Variants in LRRC4C observed in about 807,000 individuals in gnomAD.
The protein encoded by LRRC4C is leucine-rich repeat-containing protein 4C.
In LRRC4C, 5 loss-of-function variants were observed where a neutral mutation model predicts 33.6. That is an observed-to-expected ratio of 0.15 (90% CI 0.08 to 0.31). The LOEUF (loss-of-function observed/expected upper bound fraction) is 0.31. Ranked by LOEUF, LRRC4C falls within the 10% of genes least tolerant of loss-of-function variation. LRRC4C has a pLI of 1.00. For synonymous variants in LRRC4C, 329 were observed against 302.0 expected (o/e 1.09, Z -0.93); for missense variants, 560 against 796.7 (o/e 0.70, Z 3.58).
intron 4 of LRRC4C, among the ~76,000 whole-genome samples, chr11:40,260,331 A>G (rs958453500): frequency 6.8e-6 from 1 of 146,022 alleles, no homozygotes; most frequent in Non-Finnish European, 1.5e-5. Flanking sequence ...ACATATTCTC[A>G]CTCATAGGTG....
intron 3 of LRRC4C, among the ~76,000 whole-genome samples, chr11:40,521,914 G>A (rs1463915296): frequency 6.6e-6 from 1 of 151,932 alleles, no homozygotes. Flanking sequence ...AATAAAATAA[G>A]TAAACACTGA....
At chr11:41,042,656 G>C (rs910022359) in intron 1 of LRRC4C, among the ~76,000 whole-genome samples, 1 of 152,146 alleles carries the variant, frequency 6.6e-6, no homozygotes, top group Non-Finnish European at 1.5e-5. Flanking sequence ...TCAAGGGGCT[G>C]TGCTGCTAAT....
At chr11:40,271,887 G>T (rs556590618) in intron 4 of LRRC4C, among the ~76,000 whole-genome samples, 1 of 152,084 alleles carries the variant, frequency 6.6e-6, no homozygotes, top group Non-Finnish European at 1.5e-5. Context: ...TTGAACCAGA[G>T]TGAGCAGGCC....
At chr11:41,266,337 C>T (rs75753607) in intron 1 of LRRC4C, among the ~76,000 whole-genome samples, 12 of 152,070 alleles carry the variant, frequency 7.9e-5, no homozygotes, top group Admixed American at 2.0e-4. Flanking sequence ...TCAAAACCTG[C>T]GAAATTTGAG....
chr11:41,000,910 T>C (rs1246116277), intron 1 of LRRC4C, among the ~76,000 whole-genome samples: 1 of 152,150 alleles, frequency 6.6e-6, no homozygotes, highest in African/African-American at 2.4e-5. Flanking sequence ...AAAAATAGTA[T>C]ATTGGAGAAA....
At chr11:40,387,098 T>C (rs895046898) in intron 3 of LRRC4C, among the ~76,000 whole-genome samples, 11 of 152,196 alleles carry the variant, frequency 7.2e-5, no homozygotes, top group Non-Finnish European at 1.6e-4. Flanking sequence ...GATTGTAGGA[T>C]GGAATTGAGA....
At chr11:40,977,297 T>C (rs1852156354) in intron 1 of LRRC4C, among the ~76,000 whole-genome samples, 1 of 152,174 alleles carries the variant, frequency 6.6e-6, no homozygotes, top group Admixed American at 6.5e-5. Context: ...GAGTATCTGA[T>C]AACCAGGGTG....
intron 2 of LRRC4C, among the ~76,000 whole-genome samples, chr11:40,685,673 G>A (rs1201290720): frequency 1.3e-5 from 2 of 151,758 alleles, no homozygotes; most frequent in Admixed American, 6.6e-5. Flanking sequence ...TAAGAATGAG[G>A]ATATAGGCTG....
At chr11:41,018,727 A>C (rs1855756207) in intron 1 of LRRC4C, among the ~76,000 whole-genome samples, 1 of 152,138 alleles carries the variant, frequency 6.6e-6, no homozygotes, top group Admixed American at 6.5e-5. Context: ...AAACTGCCAC[A>C]GTGGGAATGA....
At chr11:40,811,507 CT>C (rs1351590491) in intron 2 of LRRC4C, among the ~76,000 whole-genome samples, 3 of 151,898 alleles carry the variant, frequency 2.0e-5, no homozygotes, top group Admixed American at 6.6e-5. Flanking sequence ...GGCATCTACT[CT>C]TTTTTTTGAG....
intron 1 of LRRC4C, among the ~76,000 whole-genome samples, chr11:41,399,648 G>A (rs764432207): frequency 4.0e-5 from 6 of 151,876 alleles, no homozygotes; most frequent in Non-Finnish European, 2.9e-5. Flanking sequence ...TGTTTATTGG[G>A]CCACAAGAAG....
intron 3 of LRRC4C, among the ~76,000 whole-genome samples, chr11:40,321,771 G>C (rs1945860327): frequency 6.6e-6 from 1 of 152,144 alleles, no homozygotes; most frequent in African/African-American, 2.4e-5. Context: ...TGAATGCCTT[G>C]TCTAATTTCT....
chr11:40,308,202 C>T (rs558260229), intron 4 of LRRC4C, among the ~76,000 whole-genome samples: 1 of 152,256 alleles, frequency 6.6e-6, no homozygotes, highest in African/African-American at 2.4e-5. Flanking sequence ...TTCTCCCCCA[C>T]CACACATACA....
At chr11:40,890,653 T>G (rs1955659757) in intron 2 of LRRC4C, among the ~76,000 whole-genome samples, 1 of 151,954 alleles carries the variant, frequency 6.6e-6, no homozygotes, top group African/African-American at 2.4e-5. Context: ...TCTATGGGAG[T>G]AGAATAGCTG....
At chr11:41,168,394 T>C (rs1014046618) in intron 1 of LRRC4C, among the ~76,000 whole-genome samples, 4 of 152,190 alleles carry the variant, frequency 2.6e-5, no homozygotes, top group Non-Finnish European at 5.9e-5. Flanking sequence ...CTCTCCACCA[T>C]TTAGTTAAAT....
rs192766685 is a variant in LRRC4C at position 40,982,506 on chromosome 11, T to C, written c.-495-48783A>G. On this transcript the variant is annotated intron_variant, in intron 1 of 6. Coordinates refer to ENST00000528697, the MANE Select transcript of LRRC4C (RefSeq NM_001258419.2). The stretch of plus-strand genomic sequence containing the variant: ...AGTGGTTTAAATACTATAATATGCA[T>C]GCCAATCAGCCTGTAATACCATGAA... Among the ~76,000 whole-genome samples the C allele has an allele frequency of 4.1e-4, 63 of 152,306 alleles. 1 individual carries two copies. The East Asian group carries it at 0.012, about 29-fold the overall frequency.
chr11:41,424,669 T>G (rs1954979221), intron 1 of LRRC4C, among the ~76,000 whole-genome samples: 1 of 152,036 alleles, frequency 6.6e-6, no homozygotes, highest in African/African-American at 2.4e-5. Context: ...GATACCAATT[T>G]GTGTTTTAAA....
chr11:40,234,913 T>C (rs1865452681), intron 5 of LRRC4C, among the ~76,000 whole-genome samples: 1 of 152,214 alleles, frequency 6.6e-6, no homozygotes, highest in Non-Finnish European at 1.5e-5. Flanking sequence ...CCCAATGCCC[T>C]ATAGGTAGAG....
At chr11:40,543,458 T>C (rs987013633) in intron 3 of LRRC4C, among the ~76,000 whole-genome samples, 5 of 152,064 alleles carry the variant, frequency 3.3e-5, no homozygotes, top group African/African-American at 1.2e-4. Flanking sequence ...TGTGTTTGCC[T>C]CCTCACAAAA....
Sources: gnomAD v4.1 joint callset for allele counts (sites outside exome capture counted in the v4.1 genomes callset) on GRCh38, gnomAD v4.1.1 for gene constraint, MANE v1.5 for transcripts, NCBI Gene and HGNC (gene_info 2026-07-23, HGNC 2026-07-21) for gene names.